Variants in EYS observed in about 807,000 individuals in gnomAD.
EYS encodes EGF-like photoreceptor maintenance factor.
A neutral mutation model predicts 282.1 loss-of-function variants in EYS; 250 were observed. That is an observed-to-expected ratio of 0.89 (90% CI 0.80 to 0.98). The LOEUF is 0.98. Ranked by LOEUF, EYS falls within the 50% of genes least tolerant of loss-of-function variation. The pLI is 0.00. For synonymous variants in EYS, 1,355 were observed against 1,282.9 expected (o/e 1.06, Z -1.20); for missense variants, 4,016 against 3,709.0 (o/e 1.08, Z -2.15).
intron 29 of EYS, among the ~76,000 whole-genome samples, chr6:64,336,060 G>A (rs1233594183): frequency 1.3e-5 from 2 of 151,756 alleles, no homozygotes; most frequent in Non-Finnish European, 2.9e-5. Flanking sequence ...TATAAAATGA[G>A]AATACAAGTG....
At chr6:64,253,369 C>A (rs1767285367) in intron 30 of EYS, among the ~76,000 whole-genome samples, 1 of 151,930 alleles carries the variant, frequency 6.6e-6, no homozygotes. Flanking sequence ...AATAATAGGC[C>A]CAGATTTAAA....
chr6:64,902,336 A>C, intron 17 of EYS, 68 bp downstream of exon 17: 1 of 1,324,124 alleles, frequency 7.6e-7, no homozygotes, highest in Non-Finnish European at 1.0e-6. Flanking sequence ...TTCACCAATT[A>C]AAATTCTATA....
At chr6:65,200,791 C>T (rs1765881354) in intron 12 of EYS, among the ~76,000 whole-genome samples, 2 of 151,952 alleles carry the variant, frequency 1.3e-5, no homozygotes, top group Non-Finnish European at 2.9e-5. Context: ...TTTTCTCAAG[C>T]TTCCTGTTCA....
chr6:65,258,076 T>C (rs1256993296), intron 12 of EYS, among the ~76,000 whole-genome samples: 1 of 152,000 alleles, frequency 6.6e-6, no homozygotes, highest in Admixed American at 6.6e-5. Context: ...CTATTGCAAA[T>C]TGTATACCTA....
At chr6:65,179,498 A>C (rs761826819) in intron 12 of EYS, among the ~76,000 whole-genome samples, 1 of 152,160 alleles carries the variant, frequency 6.6e-6, no homozygotes, top group Non-Finnish European at 1.5e-5. Flanking sequence ...CATCCTCTCA[A>C]GACTAAACCA....
intron 2 of EYS, among the ~76,000 whole-genome samples, chr6:65,525,070 A>C (rs1214244187): frequency 1.5e-5 from 2 of 135,074 alleles, no homozygotes; most frequent in African/African-American, 6.3e-5. Flanking sequence ...TTTTTTTTTC[A>C]ATTTTACTTT....
intron 35 of EYS, among the ~76,000 whole-genome samples, chr6:63,893,033 A>G (rs899533928): frequency 6.6e-6 from 1 of 152,226 alleles, no homozygotes; most frequent in African/African-American, 2.4e-5. Flanking sequence ...ATGAGATACC[A>G]CCTTACACCA....
chr6:65,456,446 C>T (rs1764621631), intron 5 of EYS, among the ~76,000 whole-genome samples: 2 of 129,772 alleles, frequency 1.5e-5, no homozygotes, highest in African/African-American at 5.7e-5. Flanking sequence ...GAGACTCTGT[C>T]TCAAAAAAAA....
chr6:63,746,049 C>T (rs957717474), intron 41 of EYS, among the ~76,000 whole-genome samples: 1 of 152,162 alleles, frequency 6.6e-6, no homozygotes, highest in Admixed American at 6.6e-5. Flanking sequence ...GTGAGAAATA[C>T]ATTTTTATTG....
chr6:64,910,529 A>G (rs1767958669), intron 16 of EYS, among the ~76,000 whole-genome samples: 2 of 152,092 alleles, frequency 1.3e-5, no homozygotes. Flanking sequence ...ATCTCTTTGT[A>G]CTGAATCACA....
chr6:63,994,020 A>ACC (rs973402935), intron 34 of EYS, among the ~76,000 whole-genome samples: 2 of 151,976 alleles, frequency 1.3e-5, no homozygotes, highest in Non-Finnish European at 2.9e-5. Flanking sequence ...TGAAAAGGGT[A>ACC]CCACAAATGC....
At chr6:63,827,060 A>G (rs1164828413) in intron 36 of EYS, among the ~76,000 whole-genome samples, 2 of 152,168 alleles carry the variant, frequency 1.3e-5, no homozygotes, top group Non-Finnish European at 2.9e-5. Flanking sequence ...GAACTCACAT[A>G]AAGTAAAGGG....
intron 33 of EYS, among the ~76,000 whole-genome samples, chr6:64,014,267 T>C (rs1582133333): frequency 6.6e-6 from 1 of 151,342 alleles, no homozygotes. Flanking sequence ...CATTAGGTGG[T>C]AAATGAAAAG....
chr6:64,274,957 G>A (rs6931598), intron 30 of EYS, among the ~76,000 whole-genome samples: 104,390 of 152,098 alleles, frequency 0.69, 35,859 homozygotes, highest in South Asian at 0.71. Context: ...AGCTCTGAAC[G>A]TGATTTCAGC....
chr6:64,824,521 G>A (rs968416641), intron 19 of EYS, among the ~76,000 whole-genome samples: 2 of 151,872 alleles, frequency 1.3e-5, no homozygotes, highest in African/African-American at 4.8e-5. Flanking sequence ...TTTGATTAGT[G>A]ATTTGGGTGG....
At position 64,411,864 on chromosome 6, in the gene EYS, T is replaced by G. The variant is rs78748215; in HGVS notation, c.5928-23024A>C. On this transcript the variant is annotated intron_variant, in intron 28 of 42. Coordinates refer to ENST00000503581, the MANE Select transcript of EYS (RefSeq NM_001142800.2). Reference sequence around the variant, plus strand: ...CATATATGTTTGCATATATGTATATTTGTATATATGTATGTAATATATACA... The same window carrying G: ...CATATATGTTTGCATATATGTATATGTGTATATATGTATGTAATATATACA... Among the ~76,000 whole-genome samples, 1,208 of 151,788 alleles carry G rather than the reference T, an allele frequency of 8.0e-3. 19 individuals are homozygous for G. Among genetic ancestry groups the G allele is most frequent in the East Asian group, 0.047 (242 of 5,152 alleles).
At chr6:64,404,386 T>A (rs951131533) in intron 28 of EYS, among the ~76,000 whole-genome samples, 9 of 63,610 alleles carry the variant, frequency 1.4e-4, no homozygotes, top group African/African-American at 2.8e-4. Context: ...TGAGAGTGTG[T>A]GTGTGTGTGT....
intron 12 of EYS, among the ~76,000 whole-genome samples, chr6:65,099,736 C>T (rs1158911808): frequency 6.6e-6 from 1 of 150,784 alleles, no homozygotes; most frequent in South Asian, 2.1e-4. Context: ...ATACTTTCTA[C>T]TACATTAATT....
intron 22 of EYS, among the ~76,000 whole-genome samples, chr6:64,783,283 C>A (rs1216476018): frequency 6.6e-6 from 1 of 151,612 alleles, no homozygotes; most frequent in Non-Finnish European, 1.5e-5. Flanking sequence ...TAAACCTTAT[C>A]CTATATACAT....
Sources: allele counts gnomAD v4.1 joint callset (sites outside exome capture counted in the v4.1 genomes callset), GRCh38; gene constraint gnomAD v4.1.1; transcripts MANE v1.5; gene names NCBI Gene and HGNC (gene_info 2026-07-23, HGNC 2026-07-21).